The following ZNRF3 variants were observed in gnomAD, a reference collection of about 807,000 sequenced individuals.
The protein encoded by ZNRF3 is zinc and ring finger 3.
ZNRF3 carries 23 observed loss-of-function variants against 72.5 expected under a neutral mutation model. The ratio of observed to expected loss-of-function variants is 0.32; its 90% confidence interval spans 0.23 to 0.45. The LOEUF (loss-of-function observed/expected upper bound fraction) is 0.45. Ranked by LOEUF, ZNRF3 falls within the 20% of genes least tolerant of loss-of-function variation. The pLI is 1.00. For synonymous variants in ZNRF3, 610 were observed against 545.3 expected, an observed-to-expected ratio of 1.12 and a Z score of -1.65; for missense variants, 1,169 against 1,272.1, an observed-to-expected ratio of 0.92 and a Z score of 1.23.
chr22:29,017,480 T>C (rs2036458330), intron 2 of ZNRF3, among the ~76,000 whole-genome samples: 1 of 152,162 alleles, frequency 6.6e-6, no homozygotes, highest in African/African-American at 2.4e-5. Context: ...ATCCAGGCTG[T>C]CTGTGGAAAG....
chr22:28,991,711 G>A (rs566904916), intron 2 of ZNRF3, among the ~76,000 whole-genome samples: 77 of 152,166 alleles, frequency 5.1e-4, no homozygotes, highest in African/African-American at 1.8e-3. Flanking sequence ...TAAGCAAATC[G>A]AGTCCTAGAG....
intron 1 of ZNRF3, among the ~76,000 whole-genome samples, chr22:28,895,882 C>G (rs866800134): frequency 2.0e-4 from 31 of 152,258 alleles, no homozygotes; most frequent in South Asian, 1.5e-3. Flanking sequence ...GGTGTACTTT[C>G]ACTTACAGTA....
At chr22:28,969,748 G>A (rs1313218965) in intron 1 of ZNRF3, among the ~76,000 whole-genome samples, 1 of 152,168 alleles carries the variant, frequency 6.6e-6, no homozygotes, top group Admixed American at 6.5e-5. Flanking sequence ...TGCTCTGGCT[G>A]CTGTATTTGA....
At position 28,928,953 on chromosome 22, in the gene ZNRF3, A is replaced by G. The variant is rs150758875; in HGVS notation, c.300+44887A>G. On this transcript the variant is annotated intron_variant, in intron 1 of 8. Coordinates refer to ENST00000544604, the MANE Select transcript of ZNRF3 (RefSeq NM_001206998.2). ...AAGGAAAGATTTCTCTCACAATTCT[A>G]CTACCACAGTTTCAAACCAATTTCT... Among the ~76,000 whole-genome samples, 441 of 152,364 alleles carry G rather than the reference A, an allele frequency of 2.9e-3. 3 individuals are homozygous for G. Among genetic ancestry groups the G allele is most frequent in the African/African-American group, 0.01 (418 of 41,584 alleles).
At chr22:28,968,596 C>T (rs1048997121) in intron 1 of ZNRF3, among the ~76,000 whole-genome samples, 2 of 152,088 alleles carry the variant, frequency 1.3e-5, no homozygotes, top group Non-Finnish European at 2.9e-5. Flanking sequence ...GTAATCCCAG[C>T]GACTTGGGAG....
intron 1 of ZNRF3, among the ~76,000 whole-genome samples, chr22:28,927,907 G>T (rs1479420949): frequency 6.6e-6 from 1 of 152,222 alleles, no homozygotes; most frequent in Non-Finnish European, 1.5e-5. Context: ...GATGCCAAGA[G>T]CTGTGACTTT....
At chr22:28,972,360 T>C (rs1299418360) in intron 1 of ZNRF3, among the ~76,000 whole-genome samples, 3 of 152,232 alleles carry the variant, frequency 2.0e-5, no homozygotes, top group African/African-American at 7.2e-5. Flanking sequence ...AATAGACTCA[T>C]ATAAGATGTG....
intron 1 of ZNRF3, among the ~76,000 whole-genome samples, chr22:28,920,296 A>G (rs192395114): frequency 6.8e-6 from 1 of 146,712 alleles, no homozygotes; most frequent in East Asian, 2.0e-4. Context: ...TTTGAGACAG[A>G]GTCTCGCTCT....
chr22:29,047,984 G>A (rs1324636012), intron 6 of ZNRF3, among the ~76,000 whole-genome samples: 2 of 152,060 alleles, frequency 1.3e-5, no homozygotes, highest in Non-Finnish European at 2.9e-5. Flanking sequence ...GGATACCCAG[G>A]GACAGCCAGC....
chr22:28,937,209 ATATATATTT>A (rs1373208721), intron 1 of ZNRF3, among the ~76,000 whole-genome samples: 40 of 2,628 alleles, frequency 0.015, no homozygotes, highest in African/African-American at 0.02. Flanking sequence ...ATATATATAT[ATATATATTT>A]TTTTTTTTTT....
intron 1 of ZNRF3, among the ~76,000 whole-genome samples, chr22:28,937,190 TA>T (rs1450566650): frequency 6.4e-4 from 2 of 3,146 alleles, no homozygotes; most frequent in African/African-American, 1.0e-3. Context: ...TATATATATA[TA>T]TATATATATA....
Position 29,013,692 on chromosome 22 carries a change from T to C in ZNRF3, c.426+26491T>C, listed in dbSNP as rs1200577741. Among the ~76,000 whole-genome samples, 3 of 152,354 alleles carry C rather than the reference T, an allele frequency of 2.0e-5. No homozygotes were observed. In the East Asian group the frequency reaches 5.8e-4, roughly 29 times the overall value. On this transcript the variant is annotated intron_variant, in intron 2 of 8. Transcript: ENST00000544604. ...GATGTCAACTTGCACTTGTACCTAATGAACAGCTTGACTCATTCCTGGCTA... is the reference window on the plus strand; with the variant it reads ...GATGTCAACTTGCACTTGTACCTAACGAACAGCTTGACTCATTCCTGGCTA...
chr22:29,046,556 T>C (rs1010414249), intron 5 of ZNRF3, among the ~76,000 whole-genome samples, 160 bp from the exon 6 acceptor site: 1 of 152,136 alleles, frequency 6.6e-6, no homozygotes, highest in East Asian at 1.9e-4. Flanking sequence ...CTGGAGAATA[T>C]GTGCTATGGC....
intron 6 of ZNRF3, among the ~76,000 whole-genome samples, chr22:29,047,426 T>C (rs2037096072): frequency 6.6e-6 from 1 of 152,216 alleles, no homozygotes; most frequent in African/African-American, 2.4e-5. Flanking sequence ...ACTTGAGAAT[T>C]ACAGACATTT....
chr22:28,955,052 T>G lies in ZNRF3; in HGVS notation c.301-32024T>G, dbSNP rs369207374. ...TTGGTGTTTTTTTTTTTTTGTTTTT[T>G]TTTTTTGAGACAAGGTCTTGTTCTG... On this transcript the variant is annotated intron_variant, in intron 1 of 8. Coordinates refer to ENST00000544604, the MANE Select transcript of ZNRF3 (RefSeq NM_001206998.2). 9.1e-3 allele frequency among the ~76,000 whole-genome samples: 1,374 copies of G among 150,638 alleles called. 9 individuals carry two copies. The highest frequency in any genetic ancestry group is 0.014 in the Middle Eastern group (4 of 292).
chr22:29,007,597 C>T (rs1213425531), intron 2 of ZNRF3, among the ~76,000 whole-genome samples: 8 of 152,004 alleles, frequency 5.3e-5, no homozygotes, highest in Admixed American at 3.9e-4. Context: ...CGCACCATTG[C>T]ACTCCAGCCT....
intron 1 of ZNRF3, among the ~76,000 whole-genome samples, chr22:28,946,261 T>C (rs983238468): frequency 2.0e-5 from 3 of 152,264 alleles, no homozygotes; most frequent in Admixed American, 2.0e-4. Flanking sequence ...AAGGACTTAA[T>C]AGATGAACCA....
At chr22:29,008,469 G>A (rs901124358) in intron 2 of ZNRF3, among the ~76,000 whole-genome samples, 6 of 152,238 alleles carry the variant, frequency 3.9e-5, no homozygotes, top group African/African-American at 1.4e-4. Context: ...TTAGATGCCA[G>A]GCGTGTGTCT....
intron 1 of ZNRF3, among the ~76,000 whole-genome samples, chr22:28,893,325 G>A (rs762118656): frequency 1.3e-5 from 2 of 152,070 alleles, no homozygotes; most frequent in Admixed American, 6.6e-5. Context: ...TTTATTGAAT[G>A]TTTACTGTAG....
Sources: gnomAD v4.1 joint callset for allele counts (sites outside exome capture counted in the v4.1 genomes callset) on GRCh38, gnomAD v4.1.1 for gene constraint, MANE v1.5 for transcripts, NCBI Gene and HGNC (gene_info 2026-07-23, HGNC 2026-07-21) for gene names.